VPS13D: variants seen among roughly 807,000 people sequenced by gnomAD.
VPS13D encodes intermembrane lipid transfer protein VPS13D.
A neutral mutation model predicts 461.9 loss-of-function variants in VPS13D; 187 were observed. The ratio of observed to expected loss-of-function variants is 0.40; its 90% CI spans 0.36 to 0.46. The LOEUF (loss-of-function observed/expected upper bound fraction) is 0.46, where lower values mean the gene tolerates loss of function less well. Among genes scored for constraint, VPS13D ranks in the 20% least tolerant of loss-of-function variants. The pLI, the probability that VPS13D is intolerant of heterozygous loss-of-function variation, is 0.60. For synonymous variants in VPS13D, 1,951 were observed against 1,986.3 expected (o/e 0.98, Z 0.47); for missense variants, 4,711 against 5,364.9 (o/e 0.88, Z 3.81).
At chr1:12,434,961 A>T (rs1263762605) in intron 65 of VPS13D, among the ~76,000 whole-genome samples, 1 of 152,256 alleles carries the variant, frequency 6.6e-6, no homozygotes, top group Non-Finnish European at 1.5e-5. Context: ...CTTTTGTCAA[A>T]GTTGACCAGT....
chr1:12,499,832 A>G (rs1570291383), intron 68 of VPS13D: 3 of 985,422 alleles, frequency 3.0e-6, no homozygotes, highest in Middle Eastern at 5.2e-4. Context: ...TTCGCGGTGG[A>G]GTGAACATTA....
At chr1:12,347,040 C>G (rs541070586) in intron 44 of VPS13D, among the ~76,000 whole-genome samples, 6 of 152,308 alleles carry the variant, frequency 3.9e-5, no homozygotes, top group African/African-American at 1.4e-4. Flanking sequence ...GCTTTTGAAA[C>G]ATCATCACGA....
chr1:12,431,631 G>T (rs943419917), intron 65 of VPS13D, among the ~76,000 whole-genome samples: 1 of 151,502 alleles, frequency 6.6e-6, no homozygotes, highest in Non-Finnish European at 1.5e-5. Context: ...TGAGTACAAG[G>T]GACTAAGTCA....
intron 46 of VPS13D, among the ~76,000 whole-genome samples, chr1:12,351,069 C>T (rs552959134): frequency 6.6e-6 from 1 of 152,140 alleles, no homozygotes; most frequent in South Asian, 2.1e-4. Context: ...ACAAAGAACA[C>T]TATAGGCCCA....
chr1:12,247,796 C>T (rs1052402006), intron 5 of VPS13D, among the ~76,000 whole-genome samples: 19 of 151,590 alleles, frequency 1.3e-4, no homozygotes, highest in East Asian at 3.9e-4. Flanking sequence ...CTCCGCCTCC[C>T]GGATTCAAGC....
chr1:12,290,960 G>A (rs779618628), intron 22 of VPS13D, 38 bp from the exon 23 acceptor site: 1 of 1,553,656 alleles, frequency 6.4e-7, no homozygotes, highest in Non-Finnish European at 8.7e-7. Context: ...TGACAAAAAA[G>A]GATACATAGT....
intron 5 of VPS13D, among the ~76,000 whole-genome samples, chr1:12,246,479 A>G (rs954158872): frequency 2.0e-5 from 3 of 152,208 alleles, no homozygotes; most frequent in African/African-American, 7.2e-5. Flanking sequence ...GTTAAGTATA[A>G]TGCAAATATT....
At chr1:12,395,590 C>G (rs761138312) in intron 60 of VPS13D, among the ~76,000 whole-genome samples, 2 of 152,124 alleles carry the variant, frequency 1.3e-5, no homozygotes, top group African/African-American at 4.8e-5. Context: ...AGCTGGGAGA[C>G]AGAATCCCTG....
At chr1:12,263,644 C>T (rs899398755) in intron 13 of VPS13D, among the ~76,000 whole-genome samples, 2 of 152,086 alleles carry the variant, frequency 1.3e-5, no homozygotes, top group East Asian at 1.9e-4. Context: ...ATTTTTATTT[C>T]GGTCCATAAA....
chr1:12,446,762 AGAG>A (rs1645197889), intron 65 of VPS13D, among the ~76,000 whole-genome samples: 1 of 152,184 alleles, frequency 6.6e-6, no homozygotes, highest in Admixed American at 6.5e-5. Context: ...CTGGGGTGGA[AGAG>A]GAGACCTCTC....
chr1:12,427,810 A>G (rs1557432369), intron 65 of VPS13D, among the ~76,000 whole-genome samples: 1 of 152,180 alleles, frequency 6.6e-6, no homozygotes, highest in Non-Finnish European at 1.5e-5. Flanking sequence ...CATCGTCTCC[A>G]TATTATAGTT....
At chr1:12,303,322 A>G (rs1018380086) in intron 25 of VPS13D, among the ~76,000 whole-genome samples, 1 of 152,170 alleles carries the variant, frequency 6.6e-6, no homozygotes, top group Non-Finnish European at 1.5e-5. Context: ...ACTTTTCTCA[A>G]CCATAGCTTA....
At chr1:12,263,931 A>G (rs1316290233) in intron 13 of VPS13D, among the ~76,000 whole-genome samples, 2 of 152,212 alleles carry the variant, frequency 1.3e-5, no homozygotes, top group East Asian at 3.8e-4. Context: ...CATTTTTTAC[A>G]AATTGACAGT....
chr1:12,409,993 C>T (rs1644702531), intron 63 of VPS13D: 1 of 443,618 alleles, frequency 2.3e-6, no homozygotes, highest in Non-Finnish European at 4.5e-6. Context: ...AAGCAGCTGC[C>T]AACAGGCAGA....
chr1:12,419,253 T>C (rs1015082045), intron 65 of VPS13D, among the ~76,000 whole-genome samples: 1 of 152,216 alleles, frequency 6.6e-6, no homozygotes, highest in Non-Finnish European at 1.5e-5. Flanking sequence ...TCCTCTGGTA[T>C]GGGAACTTCC....
In VPS13D at chr1:12,282,704, G is replaced by A. The variant is rs1471508557; in HGVS notation, c.4603-1G>A. The A allele has an allele frequency of 2.5e-6, 4 of 1,597,376 alleles. No homozygotes were observed. The African/African-American group carries it at 5.4e-5, about 21-fold the overall frequency. ...ACTGAATTTTTCTCTTTTCAATACA[G>A]GTGGTGTTAGCAAAGCATGTATATG... is the stretch of plus-strand genomic sequence containing the variant. On this transcript the variant is annotated splice_acceptor_variant, in intron 20 of 69. Transcript: ENST00000620676. LOFTEE classifies it high-confidence loss of function.
chr1:12,237,309 G>A (rs903694467), intron 2 of VPS13D, among the ~76,000 whole-genome samples: 1 of 149,020 alleles, frequency 6.7e-6, no homozygotes, highest in Non-Finnish European at 1.5e-5. Flanking sequence ...GGGCAATATG[G>A]TGAGATCCCT....
chr1:12,424,639 A>T (rs1398667504), intron 65 of VPS13D, among the ~76,000 whole-genome samples: 2 of 152,206 alleles, frequency 1.3e-5, no homozygotes, highest in Admixed American at 1.3e-4. Context: ...CACCCTAATC[A>T]GGTAGCTCAG....
chr1:12,337,881 G>A (rs1412674469), intron 39 of VPS13D: 2 of 188,162 alleles, frequency 1.1e-5, no homozygotes, highest in Non-Finnish European at 2.3e-5. Context: ...ATGGATTTTT[G>A]TAACTTTTTA....
Sources: gnomAD v4.1 joint callset for allele counts (sites outside exome capture counted in the v4.1 genomes callset) on GRCh38, gnomAD v4.1.1 for gene constraint, MANE v1.5 for transcripts, NCBI Gene and HGNC (gene_info 2026-07-23, HGNC 2026-07-21) for gene names.